KIRREL3: variants seen among roughly 807,000 people sequenced by gnomAD.
KIRREL3 encodes kirre like nephrin family adhesion molecule 3.
A neutral mutation model predicts 89.7 loss-of-function variants in KIRREL3; 36 were observed. That is an observed-to-expected ratio of 0.40 (90% CI 0.31 to 0.53). The LOEUF (loss-of-function observed/expected upper bound fraction) is 0.53. Ranked by LOEUF, KIRREL3 falls within the 20% of genes least tolerant of loss-of-function variation. The pLI, the probability that KIRREL3 is intolerant of heterozygous loss-of-function variation, is 0.49. For synonymous variants in KIRREL3, 445 were observed against 441.4 expected, an observed-to-expected ratio of 1.01 and a Z score of -0.10; for missense variants, 864 against 1,056.6, an observed-to-expected ratio of 0.82 and a Z score of 2.53.
rs1311484054 is a variant in KIRREL3 at position 126,697,475 on chromosome 11, G to C, written c.56-134563C>G. Among the ~76,000 whole-genome samples the C allele has an allele frequency of 6.6e-6, 1 of 152,188 alleles. No individual in the cohort carries two copies. Among genetic ancestry groups the C allele is most frequent in the African/African-American group, 2.4e-5 (1 of 41,440 alleles). On this transcript the variant is annotated intron_variant, in intron 1 of 16. Coordinates refer to ENST00000525144, the MANE Select transcript of KIRREL3 (RefSeq NM_032531.4). The surrounding 1 kb of genome is among the most constrained non-coding windows in gnomAD (Gnocchi z 4.2). ...TCAGAGGAGATATTCAATGAATGCT[G>C]GTTCTACTCTACCTTTCCAGGGCTA... is the stretch of plus-strand genomic sequence containing the variant.
At chr11:126,626,581 G>A (rs1387771336) in intron 1 of KIRREL3, among the ~76,000 whole-genome samples, 1 of 152,112 alleles carries the variant, frequency 6.6e-6, no homozygotes, top group East Asian at 1.9e-4. Flanking sequence ...ATGAGTAAGG[G>A]GGCTTGCAGC....
At chr11:126,746,248 T>C (rs773671208) in intron 1 of KIRREL3, among the ~76,000 whole-genome samples, 18 of 152,226 alleles carry the variant, frequency 1.2e-4, no homozygotes, top group Non-Finnish European at 2.2e-4. Flanking sequence ...TGAACATGAA[T>C]GATGGGCCCT....
In KIRREL3 at chr11:126,441,804, C is replaced by T. The variant is rs149510696; in HGVS notation, c.1253-1255G>A. On this transcript the variant is annotated intron_variant, in intron 10 of 16. Coordinates refer to ENST00000525144, the MANE Select transcript of KIRREL3 (RefSeq NM_032531.4). The surrounding 1 kb of genome is among the most constrained non-coding windows in gnomAD (Gnocchi z 5.0). ...GAGAAGGCAAAAGGGCTCGGGGCAG[C>T]GTGAGGTGGGCGTGGGGGACCCTCC... is the stretch of plus-strand genomic sequence containing the variant. Among the ~76,000 whole-genome samples the T allele has an allele frequency of 3.4e-3, 521 of 152,252 alleles. 1 individual carries two copies. Among genetic ancestry groups the T allele is most frequent in the Non-Finnish European group, 6.1e-3 (413 of 68,006 alleles).
At chr11:126,714,859 G>A (rs1947897479) in intron 1 of KIRREL3, among the ~76,000 whole-genome samples, 1 of 152,306 alleles carries the variant, frequency 6.6e-6, no homozygotes, top group Admixed American at 6.5e-5. Flanking sequence ...AGCTGCCTGA[G>A]GTGGGGGCTT....
intron 1 of KIRREL3, among the ~76,000 whole-genome samples, chr11:126,765,267 C>G (rs545377677): frequency 6.6e-6 from 1 of 152,284 alleles, no homozygotes; most frequent in East Asian, 1.9e-4. Context: ...CAATGAGCAA[C>G]CTTCTTAGGT....
In KIRREL3 at chr11:126,844,814, GC is replaced by G. The variant is rs1944085450; in HGVS notation, c.55+155640del. 1.3e-5 allele frequency among the ~76,000 whole-genome samples: 2 copies of G among 152,218 alleles called. No individual in the cohort carries two copies. The highest frequency in any genetic ancestry group is 1.9e-4 in the East Asian group (1 of 5,178). ...TGTATAGGATCTTGGGACATGGGGA[GC>G]TTTTTCCTCCCTAAAAAAGGGAAAC... is the stretch of plus-strand genomic sequence containing the variant. On this transcript the variant is annotated intron_variant, in intron 1 of 16. Coordinates refer to ENST00000525144, the MANE Select transcript of KIRREL3 (RefSeq NM_032531.4). The surrounding 1 kb of genome is among the most constrained non-coding windows in gnomAD (Gnocchi z 4.8).
rs1467539841 is a variant in KIRREL3 at position 126,906,729 on chromosome 11, C to T, written c.55+93726G>A. 6.6e-6 allele frequency among the ~76,000 whole-genome samples: 1 copy of T among 152,202 alleles called. No individual in the cohort carries two copies. Among genetic ancestry groups the T allele is most frequent in the African/African-American group, 2.4e-5 (1 of 41,452 alleles). ...ATAAGGCAAATTAGATCCTGAAAGT[C>T]TGCACTGCACTCGGATCCCCAGCAC... is the stretch of plus-strand genomic sequence containing the variant. On this transcript the variant is annotated intron_variant, in intron 1 of 16. Transcript: ENST00000525144. The surrounding 1 kb of genome is among the most constrained non-coding windows in gnomAD (Gnocchi z 4.1).
chr11:126,710,208 A>C lies in KIRREL3; in HGVS notation c.56-147296T>G, dbSNP rs577556592. The stretch of plus-strand genomic sequence containing the variant: ...GTGGACCCCAGATCTGTCCACAGGC[A>C]GCAGGGCCCTGACCAACAGGTGGCT... On this transcript the variant is annotated intron_variant, in intron 1 of 16. Transcript: ENST00000525144. The surrounding 1 kb of genome is among the most constrained non-coding windows in gnomAD (Gnocchi z 4.2). Among the ~76,000 whole-genome samples the C allele has an allele frequency of 6.6e-6, 1 of 152,274 alleles. No individual in the cohort carries two copies. The highest frequency in any genetic ancestry group is 1.5e-5 in the Non-Finnish European group (1 of 68,000).
intron 1 of KIRREL3, among the ~76,000 whole-genome samples, chr11:126,720,156 T>C (rs1948115700): frequency 1.3e-5 from 2 of 152,250 alleles, no homozygotes; most frequent in African/African-American, 4.8e-5. Context: ...ATATATTTAT[T>C]TGTAAATTGT....
chr11:127,000,397 C>T lies in KIRREL3; in HGVS notation c.55+58G>A. ...CTGCCCACGTTCCTGCCCACAGCCT[C>T]CCGCGCCCTGACAACCCAGCCGACT... On this transcript the variant is annotated intron_variant, in intron 1 of 16. Transcript: ENST00000525144. The surrounding 1 kb of genome is among the most constrained non-coding windows in gnomAD (Gnocchi z 7.1). The T allele has an allele frequency of 6.7e-7, 1 of 1,488,566 alleles. No individual in the cohort carries two copies. The highest frequency in any genetic ancestry group is 9.2e-7 in the Non-Finnish European group (1 of 1,092,220). 92.2% of individuals were successfully genotyped at this position (1,488,566 alleles called of 1,614,324 possible). A position where few individuals can be genotyped will look rare whatever the true frequency, so the allele number is the denominator to read the frequency against.
At chr11:126,777,437 C>CAGAG (rs1950200189) in intron 1 of KIRREL3, among the ~76,000 whole-genome samples, 1 of 152,112 alleles carries the variant, frequency 6.6e-6, no homozygotes, top group Non-Finnish European at 1.5e-5. Context: ...TGGAGCCAGG[C>CAGAG]AGAGAAGGAT....
In KIRREL3 at chr11:126,736,352, T is replaced by G. The variant is rs867181355; in HGVS notation, c.56-173440A>C. On this transcript the variant is annotated intron_variant, in intron 1 of 16. Coordinates refer to ENST00000525144, the MANE Select transcript of KIRREL3 (RefSeq NM_032531.4). The surrounding 1 kb of genome is among the most constrained non-coding windows in gnomAD (Gnocchi z 5.0). Reference sequence around the variant, plus strand: ...CGAGGCTCAGAGAAGTGAAATCATTTGACAAGTCATACACAGCTAAAACGT... The same window carrying G: ...CGAGGCTCAGAGAAGTGAAATCATTGGACAAGTCATACACAGCTAAAACGT... 6.6e-6 allele frequency among the ~76,000 whole-genome samples: 1 copy of G among 152,230 alleles called. No individual in the cohort carries two copies. The highest frequency in any genetic ancestry group is 1.5e-5 in the Non-Finnish European group (1 of 68,034).
Position 126,814,350 on chromosome 11 carries a change from T to G in KIRREL3, c.55+186105A>C, listed in dbSNP as rs1951490269. Among the ~76,000 whole-genome samples the G allele has an allele frequency of 6.6e-6, 1 of 152,110 alleles. No homozygotes were observed. The highest frequency in any genetic ancestry group is 1.5e-5 in the Non-Finnish European group (1 of 68,006). On this transcript the variant is annotated intron_variant, in intron 1 of 16. Coordinates refer to ENST00000525144, the MANE Select transcript of KIRREL3 (RefSeq NM_032531.4). The surrounding 1 kb of genome is among the most constrained non-coding windows in gnomAD (Gnocchi z 4.4). ...TTAGTTCAACCATTGTGTAAATTAG[T>G]TCAACCATTGTGGTCTCAAAGACCT...
At position 126,729,695 on chromosome 11, in the gene KIRREL3, C is replaced by CG. The variant is rs1426670299; in HGVS notation, c.56-166784dup. The stretch of plus-strand genomic sequence containing the variant: ...CCCTCCGTAGATACTCATGGGGCCC[C>CG]GGGCACTCCACTGGACAGGTGAAAA... On this transcript the variant is annotated intron_variant, in intron 1 of 16. Transcript: ENST00000525144. This position sits in a 1 kb window ranked among gnomAD's most constrained non-coding sequence, Gnocchi z 4.5. 2.0e-5 allele frequency among the ~76,000 whole-genome samples: 3 copies of CG among 150,956 alleles called. No individual in the cohort carries two copies. The highest frequency in any genetic ancestry group is 7.3e-5 in the African/African-American group (3 of 40,972).
chr11:126,522,251 G>A lies in KIRREL3; in HGVS notation c.284-787C>T, dbSNP rs2134432578. Reference sequence around the variant, plus strand: ...AGAGAGAGAGAGACAGACAGACAGAGAGACCCAGGCTGAGAATTACAGAGA... The same window carrying A: ...AGAGAGAGAGAGACAGACAGACAGAAAGACCCAGGCTGAGAATTACAGAGA... On this transcript the variant is annotated intron_variant, in intron 3 of 16. Coordinates refer to ENST00000525144, the MANE Select transcript of KIRREL3 (RefSeq NM_032531.4). This position sits in a 1 kb window ranked among gnomAD's most constrained non-coding sequence, Gnocchi z 6.0. Among the ~76,000 whole-genome samples, 1 of 152,284 alleles carries A rather than the reference G, an allele frequency of 6.6e-6. No individual in the cohort carries two copies. The highest frequency in any genetic ancestry group is 2.1e-4 in the South Asian group (1 of 4,822).
chr11:126,901,999 C>A (rs1312871824), intron 1 of KIRREL3, among the ~76,000 whole-genome samples: 1 of 152,174 alleles, frequency 6.6e-6, no homozygotes, highest in African/African-American at 2.4e-5. Context: ...CTGGGCCCTG[C>A]CTCTCCACTC....
intron 1 of KIRREL3, among the ~76,000 whole-genome samples, chr11:126,984,855 G>A (rs1949817780): frequency 6.6e-6 from 1 of 152,188 alleles, no homozygotes; most frequent in Non-Finnish European, 1.5e-5. Flanking sequence ...ACCCAGGGAG[G>A]AGACCTGGAG....
intron 1 of KIRREL3, among the ~76,000 whole-genome samples, chr11:126,801,514 C>T (rs559596018): frequency 9.2e-5 from 14 of 152,176 alleles, no homozygotes; most frequent in Non-Finnish European, 1.8e-4. Flanking sequence ...GAAAACAATT[C>T]TACCCCAATA....
At chr11:126,593,065 A>G (rs1482260683) in intron 1 of KIRREL3, among the ~76,000 whole-genome samples, 2 of 152,174 alleles carry the variant, frequency 1.3e-5, no homozygotes, top group African/African-American at 4.8e-5. Flanking sequence ...CCGTCAGCCG[A>G]CTTGCAGATT....
Sources: allele counts gnomAD v4.1 joint callset (sites outside exome capture counted in the v4.1 genomes callset), GRCh38; gene constraint gnomAD v4.1.1; non-coding constraint Gnocchi (gnomAD v3.1); transcripts MANE v1.5; gene names NCBI Gene and HGNC (gene_info 2026-07-23, HGNC 2026-07-21).